The following TRIP13 variants were observed in gnomAD, a reference collection of about 807,000 sequenced individuals.
The protein encoded by TRIP13 is pachytene checkpoint protein 2 homolog.
Under a neutral mutation model 54.4 loss-of-function variants are expected in TRIP13, and 25 were observed. That is an observed-to-expected ratio of 0.46 (90% CI 0.33 to 0.64). TRIP13 has a LOEUF of 0.64. Among genes scored for constraint, TRIP13 ranks in the 30% least tolerant of loss-of-function variants. The pLI, the probability that TRIP13 is intolerant of heterozygous loss-of-function variation, is 0.02. For synonymous variants in TRIP13, 207 were observed against 207.8 expected (o/e 1.00, Z 0.03); for missense variants, 373 against 534.2 (o/e 0.70, Z 2.97).
chr5:897,067 G>T (rs187064294), intron 3 of TRIP13, among the ~76,000 whole-genome samples: 43 of 152,362 alleles, frequency 2.8e-4, no homozygotes, highest in African/African-American at 9.4e-4. Context: ...GGTCTGTCCT[G>T]CTGAGTGGCT....
chr5:907,366 C>T lies in TRIP13; in HGVS notation c.672+173C>T, dbSNP rs1754136975. Among the ~76,000 whole-genome samples the T allele has an allele frequency of 6.6e-6, 1 of 152,096 alleles. No individual in the cohort carries two copies. Among genetic ancestry groups the T allele is most frequent in the African/African-American group, 2.4e-5 (1 of 41,382 alleles). On this transcript the variant is annotated intron_variant, in intron 7 of 12. Coordinates refer to ENST00000166345, the MANE Select transcript of TRIP13 (RefSeq NM_004237.4). This position sits in a 1 kb window ranked among gnomAD's most constrained non-coding sequence, Gnocchi z 4.1. ...TTCCGGAGCTGGGGCCCTTGGGGAC[C>T]CTCCCTTGGTTCTCCCCAGACCTGT...
rs1753984941 is a variant in TRIP13, at chr5:901,338, C to T, written c.445-3C>T. The T allele has an allele frequency of 6.2e-7, 1 of 1,612,908 alleles. No individual in the cohort carries two copies. The highest frequency in any genetic ancestry group is 8.5e-7 in the Non-Finnish European group (1 of 1,179,642). Reference sequence around the variant, plus strand: ...GTCAAGCTCTTTTCTTTTTCTCTATCAGCTCCTCGATTATGTGATGACAAC... The same window carrying T: ...GTCAAGCTCTTTTCTTTTTCTCTATTAGCTCCTCGATTATGTGATGACAAC... On this transcript the variant is annotated splice_region_variant and splice_polypyrimidine_tract_variant and intron_variant, in intron 4 of 12. Coordinates refer to ENST00000166345, the MANE Select transcript of TRIP13 (RefSeq NM_004237.4).
intron 6 of TRIP13, among the ~76,000 whole-genome samples, chr5:906,052 C>CA (rs147651510): frequency 0.047 from 7,139 of 152,002 alleles, 527 homozygotes; most frequent in African/African-American, 0.16. Context: ...CCTGTCTCTA[C>CA]AAAAAAATAC....
chr5:916,938 G>T, intron 12 of TRIP13, 70 bp from the exon 13 acceptor site: 1 of 1,445,198 alleles, frequency 6.9e-7, no homozygotes, highest in Non-Finnish European at 9.6e-7. Flanking sequence ...TGGCGGCAGG[G>T]GCTGTGGATG....
At chr5:894,383 A>G (rs1282655391) in intron 1 of TRIP13, among the ~76,000 whole-genome samples, 1 of 152,190 alleles carries the variant, frequency 6.6e-6, no homozygotes, top group Non-Finnish European at 1.5e-5. Context: ...AATCACGGCT[A>G]TTGGAGACTT....
At chr5:893,505 C>G in intron 1 of TRIP13, 1 of 225,864 alleles carries the variant, frequency 4.4e-6, no homozygotes, top group South Asian at 5.2e-5. Context: ...ATTCTTTGAG[C>G]CACTGCTTCT....
chr5:915,897 T>C lies in TRIP13; in HGVS notation c.1134-7T>C. The C allele has an allele frequency of 6.2e-7, 1 of 1,614,102 alleles. No individual in the cohort carries two copies. Among genetic ancestry groups the C allele is most frequent in the Non-Finnish European group, 8.5e-7 (1 of 1,179,962 alleles). On this transcript the variant is annotated splice_region_variant and splice_polypyrimidine_tract_variant and intron_variant, in intron 11 of 12. Transcript: ENST00000166345. This position sits in a 1 kb window ranked among gnomAD's most constrained non-coding sequence, Gnocchi z 4.2. Reference sequence around the variant, plus strand: ...TGCTGTCTCTGAACTGGGTTTTCTTTACACAGGAAGAGCGAGGGCCTCAGC... The same window carrying C: ...TGCTGTCTCTGAACTGGGTTTTCTTCACACAGGAAGAGCGAGGGCCTCAGC...
intron 12 of TRIP13, 78 bp downstream of exon 12, chr5:916,051 C>T: frequency 1.4e-6 from 2 of 1,412,860 alleles, no homozygotes; most frequent in Non-Finnish European, 2.0e-6. Context: ...CTTAGTAGCC[C>T]TGGGGTATCA....
intron 9 of TRIP13, among the ~76,000 whole-genome samples, chr5:910,581 C>T (rs1254962884): frequency 1.3e-5 from 2 of 152,322 alleles, no homozygotes; most frequent in African/African-American, 2.4e-5. Flanking sequence ...TGGAGGCCAC[C>T]GTGACTTCTC....
intron 9 of TRIP13, among the ~76,000 whole-genome samples, chr5:910,035 G>A: frequency 6.6e-6 from 1 of 152,200 alleles, no homozygotes; most frequent in East Asian, 1.9e-4. Context: ...ATTTTGGGGG[G>A]CTTGTCCCCA....
At chr5:903,263 G>A (rs1225048793) in intron 5 of TRIP13, among the ~76,000 whole-genome samples, 4 of 152,138 alleles carry the variant, frequency 2.6e-5, no homozygotes, top group Admixed American at 2.6e-4. Context: ...ATTACTGCTA[G>A]ACCAAGGAGC....
At chr5:916,410 C>T (rs907131462) in intron 12 of TRIP13, among the ~76,000 whole-genome samples, 4 of 152,198 alleles carry the variant, frequency 2.6e-5, no homozygotes, top group Admixed American at 6.5e-5. Context: ...CCCCAGCAGC[C>T]GGTTGGGGTA....
At chr5:904,928 T>C (rs1754082640) in intron 6 of TRIP13, among the ~76,000 whole-genome samples, 1 of 152,242 alleles carries the variant, frequency 6.6e-6, no homozygotes, top group South Asian at 2.1e-4. Flanking sequence ...AATTCCATCA[T>C]GATTGTCATT....
At position 917,309 on chromosome 5, in the gene TRIP13, T is replaced by C. The variant is rs1255275760; in HGVS notation, c.*206T>C. On this transcript the variant is annotated 3_prime_UTR_variant, in exon 13 of 13. Coordinates refer to ENST00000166345, the MANE Select transcript of TRIP13 (RefSeq NM_004237.4). ...TAAAATGCATACTGAGAGACAAACA[T>C]CTTGTCATTTTCACTGTTTGTAAAA... is the stretch of plus-strand genomic sequence containing the variant. 25 of 492,716 alleles carry C rather than the reference T, an allele frequency of 5.1e-5. No individual in the cohort carries two copies. The highest frequency in any genetic ancestry group is 1.4e-5 in the Non-Finnish European group (4 of 279,032). The allele number at this position is 492,716 out of a possible 1,614,324, so 30.5% of individuals were successfully genotyped here.
At position 894,940 on chromosome 5, in the gene TRIP13, TAAA is replaced by T; in HGVS notation, c.247_249del (p.Lys83del). The T allele has an allele frequency of 6.2e-7, 1 of 1,607,564 alleles. No individual in the cohort carries two copies. The highest frequency in any genetic ancestry group is 2.2e-5 in the East Asian group (1 of 44,826). On this transcript the variant is annotated inframe_deletion, in exon 2 of 13. Transcript: ENST00000166345. ...CTATTATTGACACAGAATTAAAGGT[TAAA>T]GACTCACAGGTAAGTTACTAATTTG... is the stretch of plus-strand genomic sequence containing the variant.
rs76880938 is a variant in TRIP13 at position 911,270 on chromosome 5, C to T, written c.867-573C>T. ...AGGTGGCACAATCAGGAACGCCATG[C>T]GAAAGTGAGATCCTTGCTAGGCCGG... On this transcript the variant is annotated intron_variant, in intron 9 of 12. Transcript: ENST00000166345. The surrounding 1 kb of genome is among the most constrained non-coding windows in gnomAD (Gnocchi z 4.7). Among the ~76,000 whole-genome samples, 3,418 of 152,258 alleles carry T rather than the reference C, an allele frequency of 0.022. 127 individuals carry two copies. The highest frequency in any genetic ancestry group is 0.074 in the African/African-American group (3,089 of 41,550).
intron 9 of TRIP13, among the ~76,000 whole-genome samples, chr5:910,933 C>T (rs1463793984): frequency 1.3e-5 from 2 of 152,334 alleles, no homozygotes; most frequent in East Asian, 3.9e-4. Context: ...ACAGGGCCTG[C>T]CCTCCCTTGG....
At position 915,873 on chromosome 5, in the gene TRIP13, G is replaced by T. The variant is rs1315541832; in HGVS notation, c.1134-31G>T. ...CCTGAAACGTGTGATTGTATAAATT[G>T]CTGTCTCTGAACTGGGTTTTCTTTA... On this transcript the variant is annotated intron_variant, in intron 11 of 12. Coordinates refer to ENST00000166345, the MANE Select transcript of TRIP13 (RefSeq NM_004237.4). This position sits in a 1 kb window ranked among gnomAD's most constrained non-coding sequence, Gnocchi z 4.2. 1.2e-6 allele frequency: 2 copies of T among 1,612,196 alleles called. No homozygotes were observed. Among genetic ancestry groups the T allele is most frequent in the South Asian group, 2.2e-5 (2 of 91,052 alleles).
intron 2 of TRIP13, 30 bp downstream of exon 2, chr5:894,982 C>G (rs1230215935): frequency 3.2e-6 from 5 of 1,563,756 alleles, no homozygotes; most frequent in African/African-American, 1.8e-5. Flanking sequence ...GGCCAAGGAA[C>G]AGTTAGCTGA....
Sources: allele counts gnomAD v4.1 joint callset (sites outside exome capture counted in the v4.1 genomes callset), GRCh38; gene constraint gnomAD v4.1.1; non-coding constraint Gnocchi (gnomAD v3.1); transcripts MANE v1.5; gene names NCBI Gene and HGNC (gene_info 2026-07-23, HGNC 2026-07-21).